Variants in MYO1E observed in about 807,000 individuals in gnomAD.
The protein encoded by MYO1E is myosin IE.
In MYO1E, 68 loss-of-function variants were observed where a neutral mutation model predicts 151.1. That is an observed-to-expected ratio of 0.45 (90% CI 0.37 to 0.55). The LOEUF is 0.55. Ranked by LOEUF, MYO1E falls within the 20% of genes least tolerant of loss-of-function variation. MYO1E has a pLI of 0.00. For missense variants in MYO1E, 1,363 were observed against 1,389.3 expected (o/e 0.98, Z 0.30); for synonymous variants, 601 against 501.7 (o/e 1.20, Z -2.64).
intron 6 of MYO1E, among the ~76,000 whole-genome samples, chr15:59,228,351 C>T (rs1315062200): frequency 6.6e-6 from 1 of 151,892 alleles, no homozygotes; most frequent in Admixed American, 6.6e-5. Flanking sequence ...GGCATGGTGG[C>T]GGGTGCCTGC....
chr15:59,214,525 T>C (rs770851871), intron 11 of MYO1E, 115 bp downstream of exon 11: 2 of 1,119,584 alleles, frequency 1.8e-6, no homozygotes, highest in Non-Finnish European at 2.7e-6. Flanking sequence ...TTGTTTTTTT[T>C]GTTGTTGTGG....
chr15:59,350,538 G>C lies in MYO1E; in HGVS notation c.3+21960C>G, dbSNP rs1406394667. Among the ~76,000 whole-genome samples the C allele has an allele frequency of 1.3e-5, 2 of 152,212 alleles. No homozygotes were observed. Among genetic ancestry groups the C allele is most frequent in the African/African-American group, 2.4e-5 (1 of 41,456 alleles). On this transcript the variant is annotated intron_variant, in intron 1 of 27. Transcript: ENST00000288235. The surrounding 1 kb of genome is among the most constrained non-coding windows in gnomAD (Gnocchi z 5.0). ...ACATGCATTACTGAGAGGAAAGTGG[G>C]GAGAGGAGGCCTGATCCACAGCTAA...
At chr15:59,245,017 AG>A (rs2080121364) in intron 4 of MYO1E, among the ~76,000 whole-genome samples, 2 of 152,214 alleles carry the variant, frequency 1.3e-5, no homozygotes. Flanking sequence ...AGCCAGCGGC[AG>A]CCCCATGCAA....
At chr15:59,308,046 G>T (rs2080525596) in intron 1 of MYO1E, among the ~76,000 whole-genome samples, 1 of 147,652 alleles carries the variant, frequency 6.8e-6, no homozygotes, top group African/African-American at 2.5e-5. Flanking sequence ...GTGAAACCCT[G>T]TCTCTATTAA....
chr15:59,323,918 AG>A (rs2080645282), intron 1 of MYO1E, among the ~76,000 whole-genome samples: 1 of 152,184 alleles, frequency 6.6e-6, no homozygotes, highest in African/African-American at 2.4e-5. Flanking sequence ...GAAGCAGCAA[AG>A]ACCCTTCATG....
intron 1 of MYO1E, among the ~76,000 whole-genome samples, chr15:59,368,312 G>A (rs910668107): frequency 6.6e-6 from 1 of 152,098 alleles, no homozygotes; most frequent in African/African-American, 2.4e-5. Flanking sequence ...CAAATTATAA[G>A]ACATTTAAGT....
intron 24 of MYO1E, among the ~76,000 whole-genome samples, chr15:59,158,624 AAAG>A (rs1255205390): frequency 2.0e-5 from 3 of 152,332 alleles, no homozygotes; most frequent in South Asian, 2.1e-4. Flanking sequence ...AGTGGTTCTT[AAAG>A]AAGGATTGGT....
intron 1 of MYO1E, among the ~76,000 whole-genome samples, chr15:59,293,093 T>C (rs2080429330): frequency 6.6e-6 from 1 of 151,938 alleles, no homozygotes; most frequent in Non-Finnish European, 1.5e-5. Context: ...CTGCACTGAG[T>C]GGGAGAAAAC....
At chr15:59,265,521 T>A (rs1035922793) in intron 2 of MYO1E, among the ~76,000 whole-genome samples, 1 of 151,954 alleles carries the variant, frequency 6.6e-6, no homozygotes, top group African/African-American at 2.4e-5. Flanking sequence ...AAAACAAAAA[T>A]TTATTTTGGA....
chr15:59,221,670 A>T (rs1321088942), intron 9 of MYO1E, among the ~76,000 whole-genome samples: 7 of 152,116 alleles, frequency 4.6e-5, no homozygotes, highest in African/African-American at 1.7e-4. Flanking sequence ...CTAGTCAGGG[A>T]ATTTCATGGG....
intron 4 of MYO1E, among the ~76,000 whole-genome samples, chr15:59,247,621 G>C (rs2080138135): frequency 1.3e-5 from 2 of 152,202 alleles, no homozygotes; most frequent in East Asian, 1.9e-4. Flanking sequence ...AACAGCAAGA[G>C]GTGACCTGAA....
chr15:59,328,631 C>T (rs1179638730), intron 1 of MYO1E, among the ~76,000 whole-genome samples: 1 of 152,108 alleles, frequency 6.6e-6, no homozygotes, highest in Non-Finnish European at 1.5e-5. Context: ...GCAGAGATGA[C>T]CCTGATCAGA....
At position 59,202,340 on chromosome 15, in the gene MYO1E, C is replaced by T. The variant is rs1267027979; in HGVS notation, c.1684G>A (p.Gly562Arg). The T allele has an allele frequency of 3.1e-6, 5 of 1,613,752 alleles. No homozygotes were observed. The highest frequency in any genetic ancestry group is 2.2e-5 in the East Asian group (1 of 44,888). ...ADKKGRPTTAGSKIKKQANDL... is the reference protein window; with the variant it reads ...ADKKGRPTTARSKIKKQANDL... ...ATAGAACTAACCTTTATTTTGCTTC[C>T]GGCAGTAGTTGGGCGCCCTTTCTTG... The change falls in exon 16 of 28, where the codon GGA (glycine) becomes AGA (arginine). Residue 562 changes from glycine to arginine, a missense_variant. Physicochemically the swap from Gly to Arg is moderately radical, Grantham distance 125. Transcript: ENST00000288235.
At chr15:59,157,618 G>C (rs1351914532) in intron 25 of MYO1E, among the ~76,000 whole-genome samples, 4 of 152,158 alleles carry the variant, frequency 2.6e-5, no homozygotes, top group African/African-American at 7.2e-5. Context: ...CAGCCATCTT[G>C]TTATTCATAA....
intron 16 of MYO1E, among the ~76,000 whole-genome samples, chr15:59,201,866 G>A (rs1397460632): frequency 1.3e-5 from 2 of 152,206 alleles, no homozygotes; most frequent in South Asian, 2.1e-4. Flanking sequence ...GCAAGGAGAG[G>A]CCTGTAGGAC....
chr15:59,214,855 G>A, intron 10 of MYO1E, 135 bp from the exon 11 acceptor site: 1 of 752,004 alleles, frequency 1.3e-6, no homozygotes, highest in Non-Finnish European at 2.4e-6. Context: ...AGTGAAGGCA[G>A]GAGACTTGCT....
chr15:59,339,595 G>A (rs537763159), intron 1 of MYO1E, among the ~76,000 whole-genome samples: 1 of 152,262 alleles, frequency 6.6e-6, no homozygotes, highest in East Asian at 1.9e-4. Flanking sequence ...TCTTCATGTT[G>A]ATTCATCTGT....
chr15:59,317,789 GGT>G (rs1245884225), intron 1 of MYO1E, among the ~76,000 whole-genome samples: 1 of 152,166 alleles, frequency 6.6e-6, no homozygotes, highest in Non-Finnish European at 1.5e-5. Context: ...AGAGAATGCT[GGT>G]GTGACAGAGC....
At chr15:59,169,887 C>T (rs1214432876) in intron 22 of MYO1E, among the ~76,000 whole-genome samples, 4 of 152,152 alleles carry the variant, frequency 2.6e-5, no homozygotes, top group African/African-American at 9.7e-5. Flanking sequence ...AGGCCAGGCA[C>T]GGTGGCTCAC....
Sources: allele counts gnomAD v4.1 joint callset (sites outside exome capture counted in the v4.1 genomes callset), GRCh38; gene constraint gnomAD v4.1.1; non-coding constraint Gnocchi (gnomAD v3.1); transcripts MANE v1.5; gene names NCBI Gene and HGNC (gene_info 2026-07-23, HGNC 2026-07-21).